ABCC11: variants seen among roughly 807,000 people sequenced by gnomAD.
ABCC11 encodes the protein ATP-binding cassette sub-family C member 11.
In ABCC11, 135 loss-of-function variants were observed where a neutral mutation model predicts 149.3. The observed-to-expected ratio is 0.90, with a 90% CI of 0.79 to 1.04. The LOEUF is 1.04. Ranked by LOEUF, ABCC11 falls within the 50% of genes least tolerant of loss-of-function variation. The pLI is 0.00. For synonymous variants in ABCC11, 665 were observed against 671.4 expected (o/e 0.99, Z 0.15); for missense variants, 1,680 against 1,722.1 (o/e 0.98, Z 0.43).
chr16:48,192,490 T>C (rs914151382), intron 20 of ABCC11, 30 bp downstream of exon 20: 2 of 1,611,536 alleles, frequency 1.2e-6, no homozygotes, highest in African/African-American at 2.7e-5. Context: ...GAGCTCAGCC[T>C]TCGGCCCCAC....
rs1010891822 is a variant in ABCC11, at chr16:48,178,615, C to A, written c.3330G>T (p.Arg1110Ser). ...ACCCCACCTTCATGTACTGCAGTAT[C>A]CTCTCTACAGCCGTGAACTGTGCCT... Reference protein sequence around the residue: ...ETEAQFTAVERILQYMKMCVS... With the variant: ...ETEAQFTAVESILQYMKMCVS... Residue 1110 changes from arginine to serine, a missense_variant, in exon 24 of 30, where the codon AGG becomes AGT. Coordinates refer to ENST00000356608, the MANE Select transcript of ABCC11 (RefSeq NM_001370497.1). 1.9e-6 allele frequency: 3 copies of A among 1,614,146 alleles called. No individual in the cohort carries two copies. The highest frequency in any genetic ancestry group is 2.5e-6 in the Non-Finnish European group (3 of 1,180,024).
chr16:48,213,626 G>A (rs1840161807), intron 9 of ABCC11, 76 bp from the exon 10 acceptor site: 2 of 1,126,324 alleles, frequency 1.8e-6, no homozygotes, highest in South Asian at 3.1e-5. Flanking sequence ...CCGCATCCCT[G>A]AGCCACATCC....
intron 13 of ABCC11, among the ~76,000 whole-genome samples, chr16:48,203,929 A>T (rs1172563523): frequency 6.6e-6 from 1 of 152,232 alleles, no homozygotes; most frequent in East Asian, 1.9e-4. Flanking sequence ...ATCTATTCGT[A>T]TATGGATGTG....
At chr16:48,191,025 T>G (rs568307755) in intron 20 of ABCC11, among the ~76,000 whole-genome samples, 1 of 152,252 alleles carries the variant, frequency 6.6e-6, no homozygotes, top group East Asian at 1.9e-4. Flanking sequence ...GAGGGAGGGA[T>G]GAATAGGTGG....
Position 48,196,267 on chromosome 16 carries a change from C to T in ABCC11, c.2369G>A (p.Trp790Ter), listed in dbSNP as rs771984821. The change falls in exon 18 of 30, where the codon TGG (tryptophan) becomes TAG (stop). Residue 790 changes from tryptophan (W) to a stop codon, truncating the protein, a stop_gained. Coordinates refer to ENST00000356608, the MANE Select transcript of ABCC11 (RefSeq NM_001370497.1). LOFTEE classifies it high-confidence loss of function. ...EEEMEEGSLS[W>*]RVYHHYIQAA... ...CTGGATGTAGTGGTGGTAGACCCTC[C>T]AACTCAAGGAGCCTTCTTCCATCTC... The T allele has an allele frequency of 6.2e-7, 1 of 1,614,126 alleles. No individual in the cohort carries two copies. Among genetic ancestry groups the T allele is most frequent in the South Asian group, 1.1e-5 (1 of 91,074 alleles).
rs770658511 is a variant in ABCC11, at chr16:48,166,251, C to T, written c.*1023G>A. The stretch of plus-strand genomic sequence containing the variant: ...GATTGATCAGGAACAAGCACATGAC[C>T]CAAGCTGGCCCAGTGAGATTTCACC... On this transcript the variant is annotated 3_prime_UTR_variant, in exon 30 of 30. Coordinates refer to ENST00000356608, the MANE Select transcript of ABCC11 (RefSeq NM_001370497.1). Among the ~76,000 whole-genome samples, 6 of 152,168 alleles carry T rather than the reference C, an allele frequency of 3.9e-5. No individual in the cohort carries two copies. The highest frequency in any genetic ancestry group is 8.8e-5 in the Non-Finnish European group (6 of 68,032).
chr16:48,180,179 G>A (rs1004326500), intron 23 of ABCC11, among the ~76,000 whole-genome samples: 1 of 152,224 alleles, frequency 6.6e-6, no homozygotes, highest in Admixed American at 6.5e-5. Flanking sequence ...CTTGGTTTAG[G>A]TGTGGGCTCA....
intron 1 of ABCC11, among the ~76,000 whole-genome samples, chr16:48,237,424 A>G (rs1970743272): frequency 6.6e-6 from 1 of 152,282 alleles, no homozygotes; most frequent in African/African-American, 2.4e-5. Flanking sequence ...CCATCAGCAT[A>G]TTCTCTTGAA....
intron 24 of ABCC11, 25 bp downstream of exon 24, chr16:48,178,572 C>G: frequency 1.2e-6 from 2 of 1,612,330 alleles, no homozygotes; most frequent in South Asian, 2.2e-5. Flanking sequence ...TGGCTCCCCA[C>G]ACCAGACCCA....
At chr16:48,213,051 A>G (rs751241400) in intron 10 of ABCC11, among the ~76,000 whole-genome samples, 3 of 152,252 alleles carry the variant, frequency 2.0e-5, no homozygotes, top group Non-Finnish European at 4.4e-5. Flanking sequence ...CAGGGTCACT[A>G]GACCTTCTAA....
At chr16:48,193,792 C>G in intron 19 of ABCC11, 87 bp downstream of exon 19, 3 of 1,113,636 alleles carry the variant, frequency 2.7e-6, no homozygotes, top group Non-Finnish European at 3.9e-6. Flanking sequence ...AAGCCATGCT[C>G]TGGCTCTTGT....
chr16:48,170,865 G>A, intron 27 of ABCC11, 24 bp downstream of exon 27: 1 of 1,599,562 alleles, frequency 6.3e-7, no homozygotes, highest in South Asian at 1.1e-5. Flanking sequence ...CTTAGACCAA[G>A]ACTTGGGCCT....
In ABCC11 at chr16:48,234,826, G is replaced by A. The variant is rs146545525; in HGVS notation, c.-18-2887C>T. 2.3e-3 allele frequency among the ~76,000 whole-genome samples: 347 copies of A among 152,230 alleles called. 1 individual carries two copies. Among genetic ancestry groups the A allele is most frequent in the African/African-American group, 8.0e-3 (333 of 41,544 alleles). On this transcript the variant is annotated intron_variant, in intron 1 of 29. Coordinates refer to ENST00000356608, the MANE Select transcript of ABCC11 (RefSeq NM_001370497.1). ...AAAAAAGGATTACTGTGCAAGCCAA[G>A]ATCCAGCTGGCTTGCAAAGACAGCA... is the stretch of plus-strand genomic sequence containing the variant.
intron 1 of ABCC11, among the ~76,000 whole-genome samples, chr16:48,240,986 G>A (rs1970939327): frequency 1.3e-5 from 2 of 151,934 alleles, no homozygotes; most frequent in Admixed American, 1.3e-4. Flanking sequence ...CCAAGCCAGA[G>A]TGCAATGGCC....
intron 26 of ABCC11, 65 bp downstream of exon 26, chr16:48,175,193 C>G: frequency 1.3e-6 from 2 of 1,557,568 alleles, no homozygotes; most frequent in Middle Eastern, 1.7e-4. Flanking sequence ...CTATAGGCAG[C>G]CCGGTGCTGG....
At chr16:48,199,762 T>C (rs1318221510) in intron 15 of ABCC11, among the ~76,000 whole-genome samples, 2 of 147,504 alleles carry the variant, frequency 1.4e-5, no homozygotes, top group Admixed American at 7.0e-5. Flanking sequence ...CACTGCAGCC[T>C]TGACCTCCGG....
chr16:48,204,706 C>T (rs941905857), intron 13 of ABCC11, among the ~76,000 whole-genome samples: 3 of 152,070 alleles, frequency 2.0e-5, no homozygotes, highest in African/African-American at 4.8e-5. Context: ...ATGTTGTTCC[C>T]GGGGGCAGAT....
chr16:48,170,183 C>A lies in ABCC11; in HGVS notation c.3813G>T (p.Val1271=). The change falls in exon 28 of 30, where the codon GTG becomes GTT. Residue 1271 remains valine, a synonymous_variant. Coordinates refer to ENST00000356608, the MANE Select transcript of ABCC11 (RefSeq NM_001370497.1). ...CAGAGAAGTTTCCACCGTTTTCCAC[C>A]ACATCTGTATGCAGCTTTTTGGGGA... is the stretch of plus-strand genomic sequence containing the variant. The part of the protein sequence containing the change: ...SKFPKKLHTD[V]VENGGNFSVG... The A allele has an allele frequency of 6.2e-7, 1 of 1,614,114 alleles. No individual in the cohort carries two copies. The highest frequency in any genetic ancestry group is 8.5e-7 in the Non-Finnish European group (1 of 1,179,968).
chr16:48,241,915 A>C (rs1970988670), intron 1 of ABCC11, among the ~76,000 whole-genome samples: 2 of 152,346 alleles, frequency 1.3e-5, no homozygotes, highest in South Asian at 4.1e-4. Flanking sequence ...TAAAGACTTA[A>C]ATGTTAGACC....
Sources: gnomAD v4.1 joint callset for allele counts (sites outside exome capture counted in the v4.1 genomes callset) on GRCh38, gnomAD v4.1.1 for gene constraint, MANE v1.5 for transcripts, NCBI Gene and HGNC (gene_info 2026-07-23, HGNC 2026-07-21) for gene names.